DGKI: variants seen among roughly 807,000 people sequenced by gnomAD.
DGKI encodes DAG kinase iota.
In DGKI, 55 loss-of-function variants were observed where a neutral mutation model predicts 147.5. The observed-to-expected ratio is 0.37, with a 90% confidence interval of 0.30 to 0.47. The LOEUF is 0.47. Among genes scored for constraint, DGKI ranks in the 20% least tolerant of loss-of-function variants. The probability of loss-of-function intolerance (pLI) is 1.00; values close to 1 mark genes in which losing one functional copy is unlikely to be tolerated. For missense variants in DGKI, 1,007 were observed against 1,323.8 expected (o/e 0.76, Z 3.71); for synonymous variants, 469 against 477.1 (o/e 0.98, Z 0.22).
chr7:137,654,662 A>G, intron 5 of DGKI, 70 bp downstream of exon 5: 2 of 1,113,974 alleles, frequency 1.8e-6, no homozygotes, highest in Admixed American at 3.8e-5. Context: ...TCCCTGGTGA[A>G]TATCTATGAA....
chr7:137,525,922 T>A (rs1817128583), intron 20 of DGKI, among the ~76,000 whole-genome samples: 1 of 151,912 alleles, frequency 6.6e-6, no homozygotes, highest in Non-Finnish European at 1.5e-5. Context: ...GCTGGTGGCA[T>A]GACATTTTAC....
intron 6 of DGKI, among the ~76,000 whole-genome samples, chr7:137,626,434 C>T (rs936656541): frequency 2.7e-4 from 41 of 151,994 alleles, no homozygotes; most frequent in African/African-American, 9.4e-4. Flanking sequence ...CCCACAGTCC[C>T]CAACACCTGA....
At chr7:137,689,775 G>T in intron 2 of DGKI, 119 bp downstream of exon 2, 2 of 612,916 alleles carry the variant, frequency 3.3e-6, no homozygotes, top group Non-Finnish European at 5.2e-6. Context: ...CTGAGGACAG[G>T]TCAGCAGGCA....
At chr7:137,753,456 G>A (rs964231884) in intron 1 of DGKI, among the ~76,000 whole-genome samples, 9 of 152,164 alleles carry the variant, frequency 5.9e-5, no homozygotes, top group Non-Finnish European at 8.8e-5. Context: ...GGGCACAGCC[G>A]CTCTATCCCT....
At chr7:137,826,155 A>AT (rs759649316) in intron 1 of DGKI, among the ~76,000 whole-genome samples, 45 of 151,912 alleles carry the variant, frequency 3.0e-4, no homozygotes, top group Non-Finnish European at 6.6e-4. Context: ...CCAAGACTCT[A>AT]TTTTTTCCTG....
chr7:137,796,268 C>T (rs943531326), intron 1 of DGKI, among the ~76,000 whole-genome samples: 1 of 152,100 alleles, frequency 6.6e-6, no homozygotes, highest in African/African-American at 2.4e-5. Flanking sequence ...GAGGCCAAGG[C>T]GGGTGGGTCA....
chr7:137,821,345 A>G (rs1391666434), intron 1 of DGKI, among the ~76,000 whole-genome samples: 1 of 151,744 alleles, frequency 6.6e-6, no homozygotes, highest in African/African-American at 2.4e-5. Context: ...TGCCTCCTCT[A>G]CTTGGAATGC....
chr7:137,519,038 T>A (rs980887125), intron 21 of DGKI, among the ~76,000 whole-genome samples: 2 of 152,068 alleles, frequency 1.3e-5, no homozygotes, highest in Non-Finnish European at 1.5e-5. Flanking sequence ...TGATAAATCC[T>A]ATGGAGTGAG....
chr7:137,489,804 G>T (rs930971879), intron 21 of DGKI, among the ~76,000 whole-genome samples: 22 of 152,130 alleles, frequency 1.4e-4, no homozygotes, highest in Admixed American at 1.3e-3. Flanking sequence ...TAAGTTAGGA[G>T]ATATATTTTA....
In DGKI at chr7:137,382,129, C is replaced by T. The variant is rs549203505; in HGVS notation, c.*9091G>A. 1.3e-5 allele frequency: 2 copies of T among 151,910 alleles called. No individual in the cohort carries two copies. Among genetic ancestry groups the T allele is most frequent in the Non-Finnish European group, 1.5e-5 (1 of 67,974 alleles). The allele number at this position is 151,910 out of a possible 1,614,324, so 9.4% of individuals were successfully genotyped here. Reference sequence around the variant, plus strand: ...ACCAACACCTATAAATTTGAAATTACCTATAAATTTGAAACAAAAAATAGG... The same window carrying T: ...ACCAACACCTATAAATTTGAAATTATCTATAAATTTGAAACAAAAAATAGG... On this transcript the variant is annotated 3_prime_UTR_variant, in exon 33 of 33. Coordinates refer to ENST00000614521, the MANE Select transcript of DGKI (RefSeq NM_001321708.2).
At chr7:137,392,889 T>G (rs888244186) in intron 32 of DGKI, among the ~76,000 whole-genome samples, 6 of 152,160 alleles carry the variant, frequency 3.9e-5, no homozygotes, top group African/African-American at 1.2e-4. Context: ...ATGATCACAT[T>G]CAACTTTAAA....
Position 137,395,631 on chromosome 7 carries a change from A to G in DGKI, c.3024T>C (p.Asp1008=), listed in dbSNP as rs757932104. 2.2e-5 allele frequency: 36 copies of G among 1,614,174 alleles called. No homozygotes were observed. The highest frequency in any genetic ancestry group is 8.9e-5 in the East Asian group (4 of 44,866). The change falls in exon 32 of 33, where the codon GAT becomes GAC. Residue 1008 remains aspartate, a synonymous_variant. Transcript: ENST00000614521. ...RNRAVCQLLV[D]AGASLRKTDS... ...CCGTCTTTCTCAGAGATGCTCCTGC[A>G]TCCACCAGAAGCTGGCACACAGCCC...
intron 1 of DGKI, among the ~76,000 whole-genome samples, chr7:137,800,505 G>T (rs537590225): frequency 6.6e-6 from 1 of 152,154 alleles, no homozygotes; most frequent in Non-Finnish European, 1.5e-5. Context: ...TTCGATTTCC[G>T]CCATGATTGG....
intron 28 of DGKI, 27 bp from the exon 29 acceptor site, chr7:137,412,234 C>T (rs376280183): frequency 6.2e-6 from 10 of 1,606,250 alleles, no homozygotes; most frequent in East Asian, 4.5e-5. Context: ...AGAGATGTCC[C>T]ATTAGTAGAA....
At chr7:137,779,759 T>C (rs1486065589) in intron 1 of DGKI, among the ~76,000 whole-genome samples, 1 of 152,192 alleles carries the variant, frequency 6.6e-6, no homozygotes, top group Non-Finnish European at 1.5e-5. Context: ...AGTCTATAAA[T>C]TCGTCATTAT....
At position 137,472,419 on chromosome 7, in the gene DGKI, A is replaced by AT. The variant is rs1320302581; in HGVS notation, c.2374-2801dup. Among the ~76,000 whole-genome samples, 236 of 133,886 alleles carry AT rather than the reference A, an allele frequency of 1.8e-3. 1 individual carries two copies. The highest frequency in any genetic ancestry group is 0.013 in the Middle Eastern group (3 of 230). 87.8% of individuals were successfully genotyped at this position (133,886 alleles called of 152,430 possible). A position where few individuals can be genotyped will look rare whatever the true frequency, so the allele number is the denominator to read the frequency against. On this transcript the variant is annotated intron_variant, in intron 23 of 32. Transcript: ENST00000614521. ...ATAATTATTATATGTATATATACAT[A>AT]TACATATTATATGTACATATACATA...
intron 28 of DGKI, among the ~76,000 whole-genome samples, chr7:137,437,736 C>T (rs972721285): frequency 9.2e-5 from 14 of 151,920 alleles, no homozygotes; most frequent in African/African-American, 3.1e-4. Flanking sequence ...TGGACTCATA[C>T]CAAAGTTATA....
In DGKI at chr7:137,448,238, G is replaced by A. The variant is rs142838618; in HGVS notation, c.2736-4136C>T. 2.3e-4 allele frequency among the ~76,000 whole-genome samples: 32 copies of A among 141,260 alleles called. 1 individual carries two copies. The highest frequency in any genetic ancestry group is 8.4e-4 in the African/African-American group (32 of 37,872). The allele number at this position is 141,260 out of a possible 152,430, so 92.7% of individuals were successfully genotyped here. A position where few individuals can be genotyped will look rare whatever the true frequency, so the allele number is the denominator to read the frequency against. On this transcript the variant is annotated intron_variant, in intron 27 of 32. Coordinates refer to ENST00000614521, the MANE Select transcript of DGKI (RefSeq NM_001321708.2). The stretch of plus-strand genomic sequence containing the variant: ...AAAGTTTGAAGATAACAGAGACAAA[G>A]TCAAACTTAAGAGCAGCACACCAAA...
In DGKI at chr7:137,472,890, TA is replaced by T. The variant is rs539393085; in HGVS notation, c.2374-3272del. ...GTTGAATATGCTGCAGAGGACACAA[TA>T]AAAAAAATCCTAATTTCTGTATGTA... On this transcript the variant is annotated intron_variant, in intron 23 of 32. Transcript: ENST00000614521. Among the ~76,000 whole-genome samples the T allele has an allele frequency of 7.2e-5, 11 of 151,842 alleles. 1 individual carries two copies. Among genetic ancestry groups the T allele is most frequent in the African/African-American group, 1.9e-4 (8 of 41,372 alleles).
Sources: gnomAD v4.1 joint callset for allele counts (sites outside exome capture counted in the v4.1 genomes callset) on GRCh38, gnomAD v4.1.1 for gene constraint, MANE v1.5 for transcripts, NCBI Gene and HGNC (gene_info 2026-07-23, HGNC 2026-07-21) for gene names.